Variants in PRSS3 observed in about 807,000 individuals in gnomAD.
PRSS3 encodes the protein serine protease 3, also known as trypsin-3.
A neutral mutation model predicts 20.8 loss-of-function variants in PRSS3; 14 were observed. That is an observed-to-expected ratio of 0.67 (90% CI 0.44 to 1.05). The LOEUF (loss-of-function observed/expected upper bound fraction) is 1.05. Ranked by LOEUF, PRSS3 falls within the 50% of genes least tolerant of loss-of-function variation. PRSS3 has a pLI of 0.00. For synonymous variants in PRSS3, 91 were observed against 117.6 expected (o/e 0.77, Z 1.46); for missense variants, 237 against 306.4 (o/e 0.77, Z 1.69).
At chr9:33,759,244 G>A (rs146479301) in intron 1 of PRSS3, among the ~76,000 whole-genome samples, 1 of 152,264 alleles carries the variant, frequency 6.6e-6, no homozygotes, top group Non-Finnish European at 1.5e-5. Flanking sequence ...CCCTCCACAG[G>A]CTGCTGGTTA....
At chr9:33,770,591 T>C (rs1285289888) in intron 1 of PRSS3, among the ~76,000 whole-genome samples, 1 of 152,214 alleles carries the variant, frequency 6.6e-6, no homozygotes, top group Non-Finnish European at 1.5e-5. Flanking sequence ...TCTTTTGAGA[T>C]AAGATCTTTA....
chr9:33,788,830 T>C (rs1283799292), intron 1 of PRSS3, among the ~76,000 whole-genome samples: 2 of 152,182 alleles, frequency 1.3e-5, no homozygotes, highest in East Asian at 3.8e-4. Context: ...TCCTTACCTA[T>C]TCAGTCATAT....
chr9:33,798,971 T>C (rs1219777114), intron 4 of PRSS3, 57 bp from the exon 5 acceptor site: 1 of 1,585,776 alleles, frequency 6.3e-7, no homozygotes, highest in Non-Finnish European at 8.7e-7. Context: ...ACAGTAAATG[T>C]AGCTATATTC....
In PRSS3 at chr9:33,798,536, G is replaced by C; in HGVS notation, c.505G>C (p.Ala169Pro). The change falls in exon 4 of 5, where the codon GCT (alanine) becomes CCT (proline). Residue 169 changes from alanine (A) to proline (P), a missense_variant. Transcript: ENST00000379405. ...KCLDAPVLTQ[A>P]ECKASYPGKI... ...CCTGGATGCTCCGGTGCTGACCCAGGCTGAGTGTAAAGCCTCCTACCCTGG... is the reference window on the plus strand; with the variant it reads ...CCTGGATGCTCCGGTGCTGACCCAGCCTGAGTGTAAAGCCTCCTACCCTGG... 1 of 1,614,114 alleles carries C rather than the reference G, an allele frequency of 6.2e-7. No individual in the cohort carries two copies. The highest frequency in any genetic ancestry group is 2.2e-5 in the East Asian group (1 of 44,880).
chr9:33,753,191 A>G (rs536596439), intron 1 of PRSS3, among the ~76,000 whole-genome samples: 23 of 152,290 alleles, frequency 1.5e-4, no homozygotes, highest in African/African-American at 4.6e-4. Flanking sequence ...TTTCCTGAAC[A>G]CTTAATATGT....
At chr9:33,773,748 A>G (rs1309811780) in intron 1 of PRSS3, among the ~76,000 whole-genome samples, 2 of 152,116 alleles carry the variant, frequency 1.3e-5, no homozygotes, top group African/African-American at 4.8e-5. Context: ...GGCTCAAGCA[A>G]TCCTCCCATC....
intron 1 of PRSS3, among the ~76,000 whole-genome samples, chr9:33,773,351 T>G (rs1675159964): frequency 6.6e-6 from 1 of 152,194 alleles, no homozygotes; most frequent in South Asian, 2.1e-4. Context: ...TTTTTAATAC[T>G]AGGCCATAGC....
intron 1 of PRSS3, among the ~76,000 whole-genome samples, chr9:33,765,511 A>C (rs1823374959): frequency 6.6e-6 from 1 of 152,206 alleles, no homozygotes; most frequent in Admixed American, 6.5e-5. Context: ...AACTGCCAGC[A>C]TCGCTACTTT....
intron 1 of PRSS3, among the ~76,000 whole-genome samples, chr9:33,771,779 T>C (rs1390379078): frequency 2.0e-5 from 3 of 151,448 alleles, no homozygotes; most frequent in African/African-American, 4.8e-5. Context: ...CAGCTAATTT[T>C]TTTTCTTTTC....
At chr9:33,769,904 G>A (rs748799114) in intron 1 of PRSS3, among the ~76,000 whole-genome samples, 10 of 152,204 alleles carry the variant, frequency 6.6e-5, no homozygotes, top group East Asian at 5.8e-4. Context: ...GGTGGCTCAC[G>A]CCTGTAATCC....
intron 1 of PRSS3, among the ~76,000 whole-genome samples, chr9:33,777,330 G>T (rs1354333598): frequency 6.6e-6 from 1 of 151,970 alleles, no homozygotes; most frequent in African/African-American, 2.4e-5. Flanking sequence ...ATACCAGTTG[G>T]AAGCTTGGAT....
Position 33,796,725 on chromosome 9 carries a change from G to T in PRSS3, c.123G>T (p.Leu41=). The T allele has an allele frequency of 4.3e-6, 7 of 1,614,030 alleles. No homozygotes were observed. The highest frequency in any genetic ancestry group is 5.9e-6 in the Non-Finnish European group (7 of 1,179,878). The change falls in exon 2 of 5, where the codon CTG becomes CTT. Residue 41 remains leucine, a synonymous_variant. Coordinates refer to ENST00000379405, the MANE Select transcript of PRSS3 (RefSeq NM_002771.4). The part of the protein sequence containing the change: ...EENSLPYQVS[L]NSGSHFCGGS... Reference sequence around the variant, plus strand: ...ATTCTCTCCCCTACCAGGTGTCCCTGAATTCTGGCTCCCACTTCTGCGGTG... The same window carrying T: ...ATTCTCTCCCCTACCAGGTGTCCCTTAATTCTGGCTCCCACTTCTGCGGTG...
intron 1 of PRSS3, among the ~76,000 whole-genome samples, chr9:33,772,347 C>T (rs1450170807): frequency 6.6e-6 from 1 of 152,134 alleles, no homozygotes; most frequent in Non-Finnish European, 1.5e-5. Context: ...CTCTGGGCCA[C>T]AAGAGTCTTG....
chr9:33,798,706 G>A (rs1825163852), intron 4 of PRSS3, 84 bp downstream of exon 4: 1 of 1,594,220 alleles, frequency 6.3e-7, no homozygotes, highest in Non-Finnish European at 8.6e-7. Context: ...CAAGGTGGCA[G>A]GGCTGAGGCG....
chr9:33,777,052 G>GA (rs780693392), intron 1 of PRSS3, among the ~76,000 whole-genome samples: 25 of 152,122 alleles, frequency 1.6e-4, no homozygotes, highest in Non-Finnish European at 3.5e-4. Context: ...AACAGCCAGA[G>GA]AAAAATCATA....
chr9:33,777,334 C>T (rs1391277183), intron 1 of PRSS3, among the ~76,000 whole-genome samples: 1 of 151,734 alleles, frequency 6.6e-6, no homozygotes, highest in Non-Finnish European at 1.5e-5. Context: ...CAGTTGGAAG[C>T]TTGGATTGTG....
intron 1 of PRSS3, among the ~76,000 whole-genome samples, chr9:33,751,856 G>A (rs776576147): frequency 5.3e-5 from 8 of 152,184 alleles, no homozygotes; most frequent in South Asian, 2.1e-4. Context: ...GCCCAGTGGC[G>A]TCAGACTTAG....
intron 1 of PRSS3, among the ~76,000 whole-genome samples, chr9:33,777,218 C>T (rs1823971869): frequency 6.6e-6 from 1 of 151,946 alleles, no homozygotes; most frequent in Non-Finnish European, 1.5e-5. Context: ...TAAAATACCA[C>T]AGTAAAGTTA....
At chr9:33,760,740 T>C (rs1167419184) in intron 1 of PRSS3, among the ~76,000 whole-genome samples, 2 of 93,568 alleles carry the variant, frequency 2.1e-5, no homozygotes, top group African/African-American at 7.3e-5. Context: ...AGCAAGACTC[T>C]GTCACAAAAA....
Sources: gnomAD v4.1 joint callset for allele counts (sites outside exome capture counted in the v4.1 genomes callset) on GRCh38, gnomAD v4.1.1 for gene constraint, MANE v1.5 for transcripts, NCBI Gene and HGNC (gene_info 2026-07-23, HGNC 2026-07-21) for gene names.